Variants in PRKCZ observed in about 807,000 individuals in gnomAD.
PRKCZ encodes protein kinase C zeta type.
In PRKCZ, 33 loss-of-function variants were observed where a neutral mutation model predicts 79.5. That is an observed-to-expected ratio of 0.41 (90% CI 0.31 to 0.55). PRKCZ has a LOEUF of 0.55. Among genes scored for constraint, PRKCZ ranks in the 20% least tolerant of loss-of-function variants. The pLI is 0.19. For synonymous variants in PRKCZ, 342 were observed against 320.9 expected, an observed-to-expected ratio of 1.07 and a Z score of -0.70; for missense variants, 578 against 813.5, an observed-to-expected ratio of 0.71 and a Z score of 3.52.
At chr1:2,123,082 C>T (rs866690395) in intron 4 of PRKCZ, among the ~76,000 whole-genome samples, 1 of 2,988 alleles carries the variant, frequency 3.3e-4, no homozygotes, top group Non-Finnish European at 6.7e-4. Flanking sequence ...GTTAGGGTCA[C>T]GGTGGTGGTT....
intron 10 of PRKCZ, among the ~76,000 whole-genome samples, chr1:2,157,711 A>AT (rs1227337653): frequency 1.7e-5 from 2 of 117,940 alleles, no homozygotes; most frequent in African/African-American, 6.3e-5. Flanking sequence ...CCGCCTCCAG[A>AT]GTTTTTTTTT....
intron 4 of PRKCZ, among the ~76,000 whole-genome samples, chr1:2,112,615 A>C (rs925906): frequency 0.66 from 100,219 of 151,682 alleles, 33,663 homozygotes; most frequent in African/African-American, 0.79. Context: ...AGTACTCAAA[A>C]AAGGAAGAAG....
At chr1:2,146,331 C>T (rs143456825) in intron 7 of PRKCZ, among the ~76,000 whole-genome samples, 26 of 152,340 alleles carry the variant, frequency 1.7e-4, no homozygotes, top group African/African-American at 6.0e-4. Context: ...CTGGAGGCTG[C>T]TGGGCAGGGA....
chr1:2,183,155 T>G (rs1686960122), intron 16 of PRKCZ, among the ~76,000 whole-genome samples: 1 of 152,182 alleles, frequency 6.6e-6, no homozygotes, highest in Admixed American at 6.5e-5. Context: ...GGTGTGAACC[T>G]GGGAGGTGGA....
Position 2,073,964 on chromosome 1 carries a change from C to T in PRKCZ, c.334+14373C>T, listed in dbSNP as rs566388276. 51 of 1,380,714 alleles carry T rather than the reference C, an allele frequency of 3.7e-5. No homozygotes were observed. In the South Asian group the frequency reaches 4.5e-4, roughly 12 times the overall value. 85.5% of individuals were successfully genotyped at this position (1,380,714 alleles called of 1,614,324 possible). On this transcript the variant is annotated intron_variant, in intron 4 of 17. Transcript: ENST00000378567. ...GGGCATCTCCCCCGTGGATTTTCCG[C>T]GCCCCCGGGGCCGGGCCAGCCGTGC... is the stretch of plus-strand genomic sequence containing the variant.
At position 2,094,430 on chromosome 1, in the gene PRKCZ, C is replaced by T. The variant is rs1312107321; in HGVS notation, c.334+34839C>T. Among the ~76,000 whole-genome samples the T allele has an allele frequency of 3.3e-5, 5 of 150,528 alleles. No homozygotes were observed. The highest frequency in any genetic ancestry group is 3.3e-4 in the Admixed American group (5 of 15,170). On this transcript the variant is annotated intron_variant, in intron 4 of 17. Coordinates refer to ENST00000378567, the MANE Select transcript of PRKCZ (RefSeq NM_002744.6). This position sits in a 1 kb window ranked among gnomAD's most constrained non-coding sequence, Gnocchi z 7.3. ...CCGGCTCGTTGAACCTTGGGCGCTG[C>T]CCGTTCTGAGGCACCCGCTGTGCCC...
intron 8 of PRKCZ, 137 bp from the exon 9 acceptor site, chr1:2,150,653 C>T (rs1017019620): frequency 4.6e-6 from 4 of 862,162 alleles, no homozygotes; most frequent in Non-Finnish European, 7.0e-6. Flanking sequence ...ATGTGGGACG[C>T]AGAACTGAGA....
rs556507875 is a variant in PRKCZ at position 2,172,952 on chromosome 1, G to A, written c.1285+564G>A. On this transcript the variant is annotated intron_variant, in intron 13 of 17. Transcript: ENST00000378567. This position sits in a 1 kb window ranked among gnomAD's most constrained non-coding sequence, Gnocchi z 7.8. The stretch of plus-strand genomic sequence containing the variant: ...GTGTGAAACGGGGATGTGGGCACGC[G>A]TGTGCAGCCGTGTGTGCGTGTGTGA... 3.3e-5 allele frequency among the ~76,000 whole-genome samples: 5 copies of A among 151,572 alleles called. No individual in the cohort carries two copies. Among genetic ancestry groups the A allele is most frequent in the South Asian group, 4.2e-4 (2 of 4,768 alleles).
intron 4 of PRKCZ, among the ~76,000 whole-genome samples, chr1:2,079,635 G>A (rs571662099): frequency 1.3e-5 from 2 of 152,338 alleles, no homozygotes; most frequent in Non-Finnish European, 2.9e-5. Context: ...AAGCCACAAC[G>A]CTGGCCCCGC....
chr1:2,077,207 C>T (rs769835595), intron 4 of PRKCZ, among the ~76,000 whole-genome samples: 11 of 152,204 alleles, frequency 7.2e-5, no homozygotes, highest in African/African-American at 1.2e-4. Flanking sequence ...AGAGTTTACA[C>T]GCGCTCTGGT....
intron 5 of PRKCZ, chr1:2,143,762 C>A (rs1677893440): frequency 6.4e-6 from 1 of 156,294 alleles, no homozygotes; most frequent in Admixed American, 6.4e-5. Context: ...TTCCCCTTCT[C>A]TGAGGCTGTC....
Position 2,056,466 on chromosome 1 carries a change from G to T in PRKCZ, c.194-18G>T. On this transcript the variant is annotated intron_variant, in intron 2 of 17. Transcript: ENST00000378567. ...TCGGGCCTTCGGCGACGTCAGCACC[G>T]TCTCCTGCCCCACCCAGGTGACCCT... 6.2e-7 allele frequency: 1 copy of T among 1,610,260 alleles called. No homozygotes were observed. Among genetic ancestry groups the T allele is most frequent in the Non-Finnish European group, 8.5e-7 (1 of 1,177,792 alleles).
intron 4 of PRKCZ, chr1:2,104,723 C>T (rs1668069417): frequency 3.0e-6 from 3 of 985,722 alleles, no homozygotes; most frequent in Non-Finnish European, 3.6e-6. Context: ...GTCAGAACAT[C>T]GCTCGGTGCC....
At chr1:2,115,300 G>A (rs1037107842) in intron 4 of PRKCZ, among the ~76,000 whole-genome samples, 1 of 152,234 alleles carries the variant, frequency 6.6e-6, no homozygotes, top group Non-Finnish European at 1.5e-5. Flanking sequence ...GAGGCACCGG[G>A]GTCCCGGCTT....
rs111727043 is a variant in PRKCZ at position 2,165,911 on chromosome 1, G to A, written c.975-3607G>A. On this transcript the variant is annotated intron_variant, in intron 10 of 17. Transcript: ENST00000378567. The surrounding 1 kb of genome is among the most constrained non-coding windows in gnomAD (Gnocchi z 4.1). Reference sequence around the variant, plus strand: ...TGTGAGCTTCCCTCAGCCCCCGGCCGCCCCCTAGGAGGTTTCGTGAGCTTC... The same window carrying A: ...TGTGAGCTTCCCTCAGCCCCCGGCCACCCCCTAGGAGGTTTCGTGAGCTTC... 6.5e-3 allele frequency among the ~76,000 whole-genome samples: 995 copies of A among 152,102 alleles called. 19 individuals carry two copies. The highest frequency in any genetic ancestry group is 0.022 in the African/African-American group (927 of 41,514).
At chr1:2,064,956 C>T (rs1319052489) in intron 4 of PRKCZ, among the ~76,000 whole-genome samples, 1 of 152,202 alleles carries the variant, frequency 6.6e-6, no homozygotes, top group African/African-American at 2.4e-5. Flanking sequence ...GACATCTTAA[C>T]AGTATGAAGA....
rs552942295 is a variant in PRKCZ at position 2,155,958 on chromosome 1, C to T, written c.877-37C>T. 5.6e-5 allele frequency: 88 copies of T among 1,577,260 alleles called. No individual in the cohort carries two copies. The East Asian group carries it at 1.7e-3, about 30-fold the overall frequency. ...GCCCAGGATGCCTGTGAGGAGCATT[C>T]GGGAGCCTCATTACCACTCCCTGGT... On this transcript the variant is annotated intron_variant, in intron 9 of 17. Coordinates refer to ENST00000378567, the MANE Select transcript of PRKCZ (RefSeq NM_002744.6).
At position 2,173,777 on chromosome 1, in the gene PRKCZ, C is replaced by T. The variant is rs1037693848; in HGVS notation, c.1286-120C>T. 14 of 1,407,358 alleles carry T rather than the reference C, an allele frequency of 9.9e-6. No homozygotes were observed. Among genetic ancestry groups the T allele is most frequent in the African/African-American group, 7.3e-5 (5 of 68,138 alleles). 87.2% of individuals were successfully genotyped at this position (1,407,358 alleles called of 1,614,324 possible). On this transcript the variant is annotated intron_variant, in intron 13 of 17. Coordinates refer to ENST00000378567, the MANE Select transcript of PRKCZ (RefSeq NM_002744.6). The surrounding 1 kb of genome is among the most constrained non-coding windows in gnomAD (Gnocchi z 5.7). ...GTGGAAGTCACAGAGGCCTGTGTGC[C>T]GCCTGCTCAAGCCTGGCTCACACTC...
chr1:2,098,704 CAG>C (rs1338800394), intron 4 of PRKCZ: 2 of 151,128 alleles, frequency 1.3e-5, no homozygotes, highest in Admixed American at 1.3e-4. Flanking sequence ...TTTTTTTAGA[CAG>C]AGTCTCGCTC....
Sources: gnomAD v4.1 joint callset for allele counts (sites outside exome capture counted in the v4.1 genomes callset) on GRCh38, gnomAD v4.1.1 for gene constraint, Gnocchi (gnomAD v3.1) non-coding constraint, MANE v1.5 for transcripts, NCBI Gene and HGNC (gene_info 2026-07-23, HGNC 2026-07-21) for gene names.